NEK10: variants seen among roughly 807,000 people sequenced by gnomAD.
The protein encoded by NEK10 is NIMA related kinase 10, also known as serine/threonine-protein kinase Nek10.
Under a neutral mutation model 159.8 loss-of-function variants are expected in NEK10, and 122 were observed. The ratio of observed to expected loss-of-function variants is 0.76; its 90% CI spans 0.66 to 0.89. The LOEUF (loss-of-function observed/expected upper bound fraction) is 0.89, where lower values mean the gene tolerates loss of function less well. Ranked by LOEUF, NEK10 falls within the 40% of genes least tolerant of loss-of-function variation. The probability of loss-of-function intolerance (pLI) is 0.00; values close to 1 mark genes in which losing one functional copy is unlikely to be tolerated. For synonymous variants in NEK10, 466 were observed against 457.1 expected (o/e 1.02, Z -0.25); for missense variants, 1,342 against 1,323.1 (o/e 1.01, Z -0.22).
chr3:27,240,323 C>A (rs1370014441), intron 23 of NEK10, among the ~76,000 whole-genome samples: 4 of 151,978 alleles, frequency 2.6e-5, no homozygotes, highest in Admixed American at 2.0e-4. Flanking sequence ...AAAAAAAAAG[C>A]TGGCATTATA....
In NEK10 at chr3:27,342,980, C is replaced by T. The variant is rs547516036; in HGVS notation, c.362+1292G>A. 9.2e-5 allele frequency among the ~76,000 whole-genome samples: 14 copies of T among 152,094 alleles called. No individual in the cohort carries two copies. The South Asian group carries it at 2.9e-3, about 32-fold the overall frequency. ...TTTGAACAATCTTTGAATGTGTAAT[C>T]GAGAACTGAACAGTGACCCAATTAC... On this transcript the variant is annotated intron_variant, in intron 5 of 35. Coordinates refer to ENST00000691995, the MANE Select transcript of NEK10 (RefSeq NM_001394966.1).
At chr3:27,302,501 G>T (rs1190288530) in intron 12 of NEK10, among the ~76,000 whole-genome samples, 1 of 151,770 alleles carries the variant, frequency 6.6e-6, no homozygotes, top group Non-Finnish European at 1.5e-5. Context: ...CCAAAAATTT[G>T]TTTCATCTTT....
At position 27,107,082 on chromosome 3, in the gene NEK10, A is replaced by C. The variant is rs1436806769; in HGVS notation, c.*4190T>G. On this transcript the variant is annotated 3_prime_UTR_variant, in exon 36 of 36. Coordinates refer to ENST00000691995, the MANE Select transcript of NEK10 (RefSeq NM_001394966.1). ...GGATAAAGCAATGAACTGTATCTTA[A>C]ATTTTTTATATTATTAGACAATTGT... Among the ~76,000 whole-genome samples the C allele has an allele frequency of 6.6e-6, 1 of 152,118 alleles. No individual in the cohort carries two copies. Among genetic ancestry groups the C allele is most frequent in the Non-Finnish European group, 1.5e-5 (1 of 68,030 alleles).
At chr3:27,354,806 A>T (rs2048215943) in intron 1 of NEK10, among the ~76,000 whole-genome samples, 1 of 152,204 alleles carries the variant, frequency 6.6e-6, no homozygotes, top group Non-Finnish European at 1.5e-5. Context: ...GGAATGCTGC[A>T]GTGTAGATTA....
intron 22 of NEK10, among the ~76,000 whole-genome samples, chr3:27,279,876 A>T (rs1306104569): frequency 6.6e-6 from 1 of 152,068 alleles, no homozygotes; most frequent in East Asian, 1.9e-4. Context: ...ACGGCCTTAA[A>T]ATCTGGAAGT....
At chr3:27,203,550 A>G (rs1436519988) in intron 23 of NEK10, among the ~76,000 whole-genome samples, 2 of 150,668 alleles carry the variant, frequency 1.3e-5, no homozygotes, top group Admixed American at 6.7e-5. Flanking sequence ...TATGTACACT[A>G]AAAAACAGAG....
intron 22 of NEK10, among the ~76,000 whole-genome samples, chr3:27,266,527 C>G (rs2040909747): frequency 1.3e-5 from 2 of 152,190 alleles, no homozygotes; most frequent in African/African-American, 4.8e-5. Context: ...AAAATTAACA[C>G]ACTCAAAGAG....
chr3:27,228,400 C>G (rs1952860640), intron 23 of NEK10, among the ~76,000 whole-genome samples: 1 of 152,106 alleles, frequency 6.6e-6, no homozygotes, highest in Admixed American at 6.5e-5. Context: ...GAGAAACTCT[C>G]TGGCCCTATT....
intron 26 of NEK10, among the ~76,000 whole-genome samples, chr3:27,188,525 A>C (rs1948826370): frequency 6.6e-6 from 1 of 152,164 alleles, no homozygotes; most frequent in Non-Finnish European, 1.5e-5. Flanking sequence ...AAACTTATTA[A>C]ACTAGTAAAA....
chr3:27,323,323 G>A (rs1342594780), intron 5 of NEK10, among the ~76,000 whole-genome samples: 3 of 152,170 alleles, frequency 2.0e-5, no homozygotes, highest in Non-Finnish European at 4.4e-5. Context: ...GCTGCAGGAG[G>A]GACTGATGGA....
At chr3:27,343,977 C>T (rs1250051368) in intron 5 of NEK10, among the ~76,000 whole-genome samples, 1 of 152,206 alleles carries the variant, frequency 6.6e-6, no homozygotes. Context: ...TCCAATGTCT[C>T]TTTCATAAGG....
chr3:27,253,499 A>G (rs1271386183), intron 23 of NEK10, among the ~76,000 whole-genome samples: 2 of 152,238 alleles, frequency 1.3e-5, no homozygotes, highest in Non-Finnish European at 2.9e-5. Context: ...ATGAATGAAA[A>G]GAACCTTTAC....
intron 30 of NEK10, among the ~76,000 whole-genome samples, chr3:27,143,973 G>A (rs1273595732): frequency 6.6e-6 from 1 of 152,198 alleles, no homozygotes; most frequent in East Asian, 1.9e-4. Flanking sequence ...TACATTGGAA[G>A]GGTCCACTCA....
chr3:27,256,667 T>A (rs148074015), intron 22 of NEK10, among the ~76,000 whole-genome samples: 141 of 152,276 alleles, frequency 9.3e-4, no homozygotes, highest in African/African-American at 3.3e-3. Flanking sequence ...AGGGCAGTCA[T>A]GACCTTGTCA....
At chr3:27,216,164 GT>G (rs1951506920) in intron 23 of NEK10, among the ~76,000 whole-genome samples, 1 of 152,142 alleles carries the variant, frequency 6.6e-6, no homozygotes, top group Non-Finnish European at 1.5e-5. Context: ...AACCAGCTTT[GT>G]GAATGGGGTC....
At chr3:27,197,136 G>A (rs545860978) in intron 25 of NEK10, among the ~76,000 whole-genome samples, 62 of 151,694 alleles carry the variant, frequency 4.1e-4, no homozygotes, top group Admixed American at 9.2e-4. Context: ...AAACAGGGAC[G>A]CAGAAATAAT....
chr3:27,196,994 T>C (rs987832178), intron 25 of NEK10, among the ~76,000 whole-genome samples: 7 of 152,078 alleles, frequency 4.6e-5, no homozygotes, highest in African/African-American at 1.7e-4. Flanking sequence ...ACCATGATGA[T>C]TGCCAAAATT....
chr3:27,145,112 G>A (rs1462496053), intron 30 of NEK10, among the ~76,000 whole-genome samples: 3 of 150,360 alleles, frequency 2.0e-5, no homozygotes, highest in Non-Finnish European at 4.4e-5. Context: ...CACTGAAAAC[G>A]CTACACTTTC....
chr3:27,165,134 A>G (rs1344720680), intron 29 of NEK10, among the ~76,000 whole-genome samples: 1 of 152,234 alleles, frequency 6.6e-6, no homozygotes, highest in African/African-American at 2.4e-5. Context: ...CATGCTAGAC[A>G]CTGGAGATGG....
Sources: allele counts gnomAD v4.1 joint callset (sites outside exome capture counted in the v4.1 genomes callset), GRCh38; gene constraint gnomAD v4.1.1; transcripts MANE v1.5; gene names NCBI Gene and HGNC (gene_info 2026-07-23, HGNC 2026-07-21).